Variants in NCAM2 observed in about 807,000 individuals in gnomAD.
The protein encoded by NCAM2 is N-CAM-2.
Under a neutral mutation model 98.1 loss-of-function variants are expected in NCAM2, and 30 were observed. The ratio of observed to expected loss-of-function variants is 0.31; its 90% CI spans 0.23 to 0.41. The LOEUF is 0.41. Among genes scored for constraint, NCAM2 ranks in the 10% least tolerant of loss-of-function variants. The probability of loss-of-function intolerance (pLI) is 1.00; values close to 1 mark genes in which losing one functional copy is unlikely to be tolerated. For synonymous variants in NCAM2, 368 were observed against 342.4 expected (o/e 1.07, Z -0.83); for missense variants, 867 against 1,005.8 (o/e 0.86, Z 1.87).
intron 1 of NCAM2, among the ~76,000 whole-genome samples, chr21:21,184,721 A>C (rs1174614374): frequency 6.6e-6 from 1 of 152,178 alleles, no homozygotes; most frequent in Admixed American, 6.6e-5. Flanking sequence ...TTTCCCTTCT[A>C]GTAAATACCT....
chr21:21,424,724 T>C (rs1029977260), intron 11 of NCAM2, among the ~76,000 whole-genome samples: 1 of 152,030 alleles, frequency 6.6e-6, no homozygotes, highest in Non-Finnish European at 1.5e-5. Context: ...AGTTAAGTTA[T>C]AGATCTTAAA....
chr21:21,407,158 C>T (rs888322794), intron 9 of NCAM2, among the ~76,000 whole-genome samples: 9 of 152,182 alleles, frequency 5.9e-5, no homozygotes, highest in African/African-American at 2.2e-4. Flanking sequence ...TCACATCCCT[C>T]ATACCACACT....
chr21:21,136,139 G>C (rs1228016182), intron 1 of NCAM2, among the ~76,000 whole-genome samples: 2 of 152,186 alleles, frequency 1.3e-5, no homozygotes, highest in Non-Finnish European at 2.9e-5. Flanking sequence ...TATTTGAACA[G>C]ACACTTATCT....
At chr21:21,106,908 AT>A (rs2066360732) in intron 1 of NCAM2, among the ~76,000 whole-genome samples, 1 of 152,106 alleles carries the variant, frequency 6.6e-6, no homozygotes, top group African/African-American at 2.4e-5. Context: ...TATAAAAACT[AT>A]TTCTCAAAAA....
chr21:21,459,321 A>G (rs1418244907), intron 12 of NCAM2, among the ~76,000 whole-genome samples: 2 of 151,846 alleles, frequency 1.3e-5, no homozygotes, highest in African/African-American at 4.8e-5. Context: ...CGAAATGTGT[A>G]CGTCTATGTT....
At chr21:21,034,385 G>A (rs1471228355) in intron 1 of NCAM2, among the ~76,000 whole-genome samples, 2 of 152,028 alleles carry the variant, frequency 1.3e-5, no homozygotes, top group South Asian at 2.1e-4. Flanking sequence ...ACTGGCAAGC[G>A]GTGGCAATCT....
intron 2 of NCAM2, among the ~76,000 whole-genome samples, chr21:21,283,943 G>A (rs547169078): frequency 6.4e-4 from 98 of 152,014 alleles, no homozygotes; most frequent in African/African-American, 2.2e-3. Context: ...CTTAAATACT[G>A]TACAAGAAGT....
At chr21:21,042,503 A>T (rs1344230547) in intron 1 of NCAM2, among the ~76,000 whole-genome samples, 1 of 152,124 alleles carries the variant, frequency 6.6e-6, no homozygotes, top group Non-Finnish European at 1.5e-5. Flanking sequence ...TGAGAAATTA[A>T]TTTAACAGAT....
intron 5 of NCAM2, among the ~76,000 whole-genome samples, chr21:21,294,344 A>G (rs2073400658): frequency 6.6e-6 from 1 of 151,774 alleles, no homozygotes; most frequent in Non-Finnish European, 1.5e-5. Flanking sequence ...TTCTATACTT[A>G]TTTATTTCAG....
intron 1 of NCAM2, among the ~76,000 whole-genome samples, chr21:21,250,210 T>C (rs1023439817): frequency 6.6e-6 from 1 of 152,210 alleles, no homozygotes; most frequent in African/African-American, 2.4e-5. Context: ...GAAAGTGCAC[T>C]TGAGTTACCA....
intron 1 of NCAM2, among the ~76,000 whole-genome samples, chr21:21,161,800 A>G (rs1410124008): frequency 1.3e-5 from 2 of 152,030 alleles, no homozygotes; most frequent in Admixed American, 1.3e-4. Flanking sequence ...AGGTGCACTT[A>G]GTACGTAATT....
intron 15 of NCAM2, among the ~76,000 whole-genome samples, chr21:21,493,096 C>A (rs1986961643): frequency 6.6e-6 from 1 of 151,810 alleles, no homozygotes; most frequent in African/African-American, 2.4e-5. Flanking sequence ...ACTCACGGTC[C>A]TGTCAAATGG....
chr21:21,044,110 C>T lies in NCAM2; in HGVS notation c.55+45492C>T, dbSNP rs76772519. 6.7e-3 allele frequency among the ~76,000 whole-genome samples: 1,021 copies of T among 152,056 alleles called. 11 individuals are homozygous for T. Among genetic ancestry groups the T allele is most frequent in the East Asian group, 0.034 (175 of 5,162 alleles). ...GCAGTTACTGCAAAACATACTAATA[C>T]ATTTTACCTACCAAAATATGAATTT... On this transcript the variant is annotated intron_variant, in intron 1 of 17. Transcript: ENST00000400546.
chr21:21,509,648 G>A (rs1389487933), intron 16 of NCAM2, among the ~76,000 whole-genome samples: 1 of 152,032 alleles, frequency 6.6e-6, no homozygotes, highest in Non-Finnish European at 1.5e-5. Flanking sequence ...ATTTAGTTAA[G>A]CAGATATAAT....
At chr21:21,124,672 G>GT (rs2066749452) in intron 1 of NCAM2, among the ~76,000 whole-genome samples, 1 of 152,154 alleles carries the variant, frequency 6.6e-6, no homozygotes, top group African/African-American at 2.4e-5. Context: ...GCCATAGAAA[G>GT]TTTAAGTACC....
chr21:21,042,887 G>C (rs1166510551), intron 1 of NCAM2, among the ~76,000 whole-genome samples: 5 of 152,124 alleles, frequency 3.3e-5, no homozygotes, highest in Admixed American at 3.3e-4. Flanking sequence ...TACTTTATCT[G>C]TTTGAAAGCT....
At chr21:21,292,883 C>T (rs1232412799) in intron 5 of NCAM2, among the ~76,000 whole-genome samples, 2 of 151,856 alleles carry the variant, frequency 1.3e-5, no homozygotes, top group Non-Finnish European at 2.9e-5. Flanking sequence ...ACTCACAGTT[C>T]CAAGTGACTG....
chr21:21,163,414 T>TTTGCTAAATATGTTTTAA (rs1271039889), intron 1 of NCAM2, among the ~76,000 whole-genome samples: 2 of 152,162 alleles, frequency 1.3e-5, no homozygotes, highest in African/African-American at 2.4e-5. Flanking sequence ...TCTTCTCTGC[T>TTTGCTAAATATGTTTTAA]TTGCTAAATA....
At chr21:21,080,218 T>G (rs1234021468) in intron 1 of NCAM2, among the ~76,000 whole-genome samples, 1 of 152,162 alleles carries the variant, frequency 6.6e-6, no homozygotes, top group African/African-American at 2.4e-5. Context: ...ACATTAAACT[T>G]GTGCAGTATT....
Sources: allele counts gnomAD v4.1 joint callset (sites outside exome capture counted in the v4.1 genomes callset), GRCh38; gene constraint gnomAD v4.1.1; transcripts MANE v1.5; gene names NCBI Gene and HGNC (gene_info 2026-07-23, HGNC 2026-07-21).